MDGA2: variants seen among roughly 807,000 people sequenced by gnomAD.
The protein encoded by MDGA2 is MAM domain containing glycosylphosphatidylinositol anchor 2.
Under a neutral mutation model 117.8 loss-of-function variants are expected in MDGA2, and 40 were observed. The ratio of observed to expected loss-of-function variants is 0.34; its 90% CI spans 0.26 to 0.44. MDGA2 has a LOEUF of 0.44. MDGA2 is among the 20% of genes least tolerant of loss of function. The pLI is 1.00. For synonymous variants in MDGA2, 452 were observed against 439.0 expected, an observed-to-expected ratio of 1.03 and a Z score of -0.37; for missense variants, 1,123 against 1,250.6, an observed-to-expected ratio of 0.90 and a Z score of 1.54.
At chr14:47,297,197 A>G (rs892947423) in intron 2 of MDGA2, among the ~76,000 whole-genome samples, 13 of 152,110 alleles carry the variant, frequency 8.5e-5, no homozygotes, top group African/African-American at 1.9e-4. Context: ...AACATAAATA[A>G]TTACATTTAA....
At chr14:47,674,269 C>A (rs191585302) in intron 1 of MDGA2, among the ~76,000 whole-genome samples, 186 of 152,322 alleles carry the variant, frequency 1.2e-3, no homozygotes, top group Middle Eastern at 3.4e-3. Context: ...CAAAGCCGCT[C>A]GTTCGCACGA....
At chr14:47,147,606 A>G (rs1279755166) in intron 3 of MDGA2, among the ~76,000 whole-genome samples, 1 of 152,166 alleles carries the variant, frequency 6.6e-6, no homozygotes, top group Non-Finnish European at 1.5e-5. Context: ...TAGAGAGAGC[A>G]ATTTTACCTG....
At chr14:47,489,680 A>C (rs1025233943) in intron 1 of MDGA2, among the ~76,000 whole-genome samples, 1 of 152,118 alleles carries the variant, frequency 6.6e-6, no homozygotes, top group Non-Finnish European at 1.5e-5. Context: ...AAGCATTCAG[A>C]ACTGTTGCCA....
intron 1 of MDGA2, among the ~76,000 whole-genome samples, chr14:47,568,228 G>C (rs924334187): frequency 2.6e-5 from 4 of 152,166 alleles, no homozygotes; most frequent in Admixed American, 2.6e-4. Flanking sequence ...TTTTACTCCA[G>C]TACCGCAAGT....
chr14:47,600,598 A>G (rs776649563), intron 1 of MDGA2, among the ~76,000 whole-genome samples: 1 of 151,992 alleles, frequency 6.6e-6, no homozygotes, highest in Non-Finnish European at 1.5e-5. Context: ...TTGGAGTTCT[A>G]TGCTGTTGAG....
chr14:47,016,205 G>T, intron 8 of MDGA2, among the ~76,000 whole-genome samples: 1 of 152,046 alleles, frequency 6.6e-6, no homozygotes, highest in African/African-American at 2.4e-5. Flanking sequence ...TATTTGCATG[G>T]TTTTTAATGG....
At chr14:47,502,316 C>A (rs556577698) in intron 1 of MDGA2, among the ~76,000 whole-genome samples, 5 of 152,168 alleles carry the variant, frequency 3.3e-5, no homozygotes, top group South Asian at 2.1e-4. Context: ...CAGAGTGAGA[C>A]CCTCATTTCT....
intron 1 of MDGA2, among the ~76,000 whole-genome samples, chr14:47,388,849 A>G (rs936231775): frequency 6.6e-6 from 1 of 152,196 alleles, no homozygotes; most frequent in African/African-American, 2.4e-5. Context: ...ACTCCTCAGC[A>G]TACGATGACA....
chr14:47,077,292 C>T (rs916132686), intron 6 of MDGA2, among the ~76,000 whole-genome samples: 2 of 152,056 alleles, frequency 1.3e-5, no homozygotes, highest in Non-Finnish European at 2.9e-5. Flanking sequence ...ACTATCAGCT[C>T]TTATTCCTTA....
chr14:47,158,698 G>A (rs1321560178), intron 3 of MDGA2, among the ~76,000 whole-genome samples: 1 of 152,074 alleles, frequency 6.6e-6, no homozygotes, highest in Admixed American at 6.5e-5. Flanking sequence ...CAGGTGATCA[G>A]CGTGCCTCGG....
intron 1 of MDGA2, among the ~76,000 whole-genome samples, chr14:47,383,983 T>TGATAGATA (rs11439713): frequency 0.13 from 17,780 of 141,646 alleles, 1,235 homozygotes; most frequent in African/African-American, 0.16. Context: ...AATAGATAGA[T>TGATAGATA]GATAGATAGA....
intron 6 of MDGA2, among the ~76,000 whole-genome samples, chr14:47,071,550 G>T (rs1049720915): frequency 4.7e-5 from 7 of 150,336 alleles, no homozygotes; most frequent in Non-Finnish European, 8.9e-5. Flanking sequence ...GTGTCTGTGG[G>T]TTTTTTTTTT....
At chr14:47,429,683 T>C (rs556480892) in intron 1 of MDGA2, among the ~76,000 whole-genome samples, 1 of 152,236 alleles carries the variant, frequency 6.6e-6, no homozygotes, top group African/African-American at 2.4e-5. Context: ...TGATGTGATG[T>C]ATATTTATTC....
intron 9 of MDGA2, among the ~76,000 whole-genome samples, chr14:46,924,556 A>G (rs779908159): frequency 4.6e-5 from 7 of 152,078 alleles, no homozygotes; most frequent in Non-Finnish European, 8.8e-5. Flanking sequence ...AAATTTAGGG[A>G]TATCTATCAA....
chr14:47,435,296 T>C (rs2138535132), intron 1 of MDGA2, among the ~76,000 whole-genome samples: 1 of 152,304 alleles, frequency 6.6e-6, no homozygotes, highest in East Asian at 1.9e-4. Context: ...AATTTTTAAC[T>C]AAACCAAGAT....
At chr14:47,669,217 A>C (rs899582178) in intron 1 of MDGA2, among the ~76,000 whole-genome samples, 1 of 152,242 alleles carries the variant, frequency 6.6e-6, no homozygotes, top group African/African-American at 2.4e-5. Context: ...AAACAAAAAT[A>C]AAAATATTGG....
At chr14:47,198,284 G>A (rs1433801198) in intron 3 of MDGA2, among the ~76,000 whole-genome samples, 1 of 152,080 alleles carries the variant, frequency 6.6e-6, no homozygotes, top group Non-Finnish European at 1.5e-5. Flanking sequence ...TTTAAAAAAT[G>A]ATTGAGGGCT....
At chr14:47,182,457 A>T (rs1884746180) in intron 3 of MDGA2, among the ~76,000 whole-genome samples, 1 of 152,134 alleles carries the variant, frequency 6.6e-6, no homozygotes, top group Non-Finnish European at 1.5e-5. Flanking sequence ...AGGAAGAGAC[A>T]CTAGGAGTGT....
rs1040334540 is a variant in MDGA2 at position 47,615,215 on chromosome 14, GAATT to G, written c.280+59298_280+59301del. On this transcript the variant is annotated intron_variant, in intron 1 of 16. Transcript: ENST00000399232. ...CTTGACCTCCTGAGCAACAGATGTT[GAATT>G]AATAAAAAAAGATTCAGAAAATTTA... is the stretch of plus-strand genomic sequence containing the variant. Among the ~76,000 whole-genome samples the G allele has an allele frequency of 3.8e-4, 57 of 151,980 alleles. 2 individuals are homozygous for G. Among genetic ancestry groups the G allele is most frequent in the African/African-American group, 1.3e-3 (52 of 41,462 alleles).
Sources: gnomAD v4.1 joint callset for allele counts (sites outside exome capture counted in the v4.1 genomes callset) on GRCh38, gnomAD v4.1.1 for gene constraint, MANE v1.5 for transcripts, NCBI Gene and HGNC (gene_info 2026-07-23, HGNC 2026-07-21) for gene names.